LRBA: variants seen among roughly 807,000 people sequenced by gnomAD.
The protein encoded by LRBA is LPS responsive beige-like anchor protein.
Under a neutral mutation model 330.0 loss-of-function variants are expected in LRBA, and 176 were observed. The ratio of observed to expected loss-of-function variants is 0.53; its 90% confidence interval spans 0.47 to 0.60. The LOEUF (loss-of-function observed/expected upper bound fraction) is 0.60, where lower values mean the gene tolerates loss of function less well. Ranked by LOEUF, LRBA falls within the 20% of genes least tolerant of loss-of-function variation. The probability of loss-of-function intolerance (pLI) is 0.00; values close to 1 mark genes in which losing one functional copy is unlikely to be tolerated. For synonymous variants in LRBA, 1,230 were observed against 1,193.0 expected, an observed-to-expected ratio of 1.03 and a Z score of -0.64; for missense variants, 3,259 against 3,444.8, an observed-to-expected ratio of 0.95 and a Z score of 1.35.
intron 40 of LRBA, among the ~76,000 whole-genome samples, chr4:150,552,012 C>G (rs1345992832): frequency 1.3e-5 from 2 of 152,094 alleles, no homozygotes; most frequent in Non-Finnish European, 2.9e-5. Context: ...GATCGTCTGA[C>G]ATTAGAGTCT....
intron 23 of LRBA, 86 bp from the exon 24 acceptor site, chr4:150,850,988 C>G (rs1162684115): frequency 1.1e-6 from 1 of 896,868 alleles, no homozygotes; most frequent in African/African-American, 1.7e-5. Flanking sequence ...AGCTTCTATG[C>G]AATTCATCTA....
At chr4:150,471,131 T>C (rs1440984602) in intron 43 of LRBA, among the ~76,000 whole-genome samples, 1 of 152,186 alleles carries the variant, frequency 6.6e-6, no homozygotes, top group Non-Finnish European at 1.5e-5. Flanking sequence ...CACAAAAATA[T>C]ACAGTATATA....
At chr4:150,323,742 G>A (rs530830542) in intron 49 of LRBA, among the ~76,000 whole-genome samples, 2 of 152,320 alleles carry the variant, frequency 1.3e-5, no homozygotes, top group South Asian at 2.1e-4. Context: ...GCATGAATGA[G>A]AAACACCAGA....
intron 41 of LRBA, among the ~76,000 whole-genome samples, chr4:150,490,510 AATATATCAC>A (rs1296587261): frequency 6.6e-6 from 1 of 151,876 alleles, no homozygotes; most frequent in Admixed American, 6.6e-5. Context: ...TTATAAAAGC[AATATATCAC>A]ATATATCACA....
At chr4:150,981,114 A>T (rs1329949247) in intron 2 of LRBA, among the ~76,000 whole-genome samples, 5 of 142,710 alleles carry the variant, frequency 3.5e-5, no homozygotes, top group South Asian at 2.2e-4. Context: ...CAGAGAAATT[A>T]AAAAAAAAAA....
intron 46 of LRBA, among the ~76,000 whole-genome samples, chr4:150,429,909 C>G (rs748331418): frequency 6.6e-6 from 1 of 152,054 alleles, no homozygotes; most frequent in South Asian, 2.1e-4. Context: ...TCTAAATGCT[C>G]TCTACTATAT....
chr4:150,816,276 A>C (rs904786830), intron 31 of LRBA, among the ~76,000 whole-genome samples: 1 of 151,998 alleles, frequency 6.6e-6, no homozygotes, highest in Admixed American at 6.6e-5. Flanking sequence ...ATCTCAACCT[A>C]GAATCATAAG....
rs114727117 is a variant in LRBA at position 150,755,270 on chromosome 4, G to T, written c.5645+6513C>A. On this transcript the variant is annotated intron_variant, in intron 35 of 56. Coordinates refer to ENST00000651943, the MANE Select transcript of LRBA (RefSeq NM_001364905.1). ...TCGAAGCATTATGTCTTTTATGTGG[G>T]CTATTTATATATTTGTATACAAGTC... 9.8e-3 allele frequency among the ~76,000 whole-genome samples: 1,495 copies of T among 152,270 alleles called. 19 individuals are homozygous for T. Among genetic ancestry groups the T allele is most frequent in the Non-Finnish European group, 0.018 (1,223 of 68,018 alleles).
intron 22 of LRBA, among the ~76,000 whole-genome samples, chr4:150,864,802 G>C (rs62344569): frequency 6.6e-6 from 1 of 151,524 alleles, no homozygotes; most frequent in African/African-American, 2.4e-5. Flanking sequence ...ATGCACCACC[G>C]TGCCCAGCTA....
chr4:150,796,736 A>G (rs1156574431), intron 34 of LRBA, among the ~76,000 whole-genome samples: 1 of 152,008 alleles, frequency 6.6e-6, no homozygotes, highest in Non-Finnish European at 1.5e-5. Context: ...CTTCATTGTG[A>G]AAATTCACCT....
intron 16 of LRBA, among the ~76,000 whole-genome samples, chr4:150,894,328 G>A (rs928813796): frequency 4.0e-5 from 6 of 151,790 alleles, no homozygotes; most frequent in African/African-American, 9.7e-5. Flanking sequence ...TTTCATATAC[G>A]GTATTATCTA....
chr4:150,882,009 C>T (rs1148650), intron 17 of LRBA, among the ~76,000 whole-genome samples: 16,210 of 151,898 alleles, frequency 0.11, 1,133 homozygotes, highest in South Asian at 0.28. Flanking sequence ...TCGCTTCAAC[C>T]CGAGAGGCAG....
chr4:150,619,091 T>C (rs1314183102), intron 37 of LRBA, among the ~76,000 whole-genome samples: 1 of 152,128 alleles, frequency 6.6e-6, no homozygotes, highest in East Asian at 1.9e-4. Flanking sequence ...TATAAGTTTA[T>C]TATCAATGCA....
intron 29 of LRBA, among the ~76,000 whole-genome samples, chr4:150,830,031 C>A (rs1457482462): frequency 6.6e-6 from 1 of 152,180 alleles, no homozygotes; most frequent in Non-Finnish European, 1.5e-5. Context: ...CTGCCTCTCA[C>A]CATCTCTAGT....
chr4:150,398,042 T>A (rs1290962869), intron 47 of LRBA, among the ~76,000 whole-genome samples: 1 of 152,164 alleles, frequency 6.6e-6, no homozygotes, highest in Non-Finnish European at 1.5e-5. Flanking sequence ...CATATATATT[T>A]TAGTATCTTC....
chr4:150,855,997 T>C (rs1438073523), intron 22 of LRBA, among the ~76,000 whole-genome samples: 1 of 152,078 alleles, frequency 6.6e-6, no homozygotes, highest in African/African-American at 2.4e-5. Context: ...ATACAGGAAA[T>C]ATAGAGGTCA....
chr4:150,875,700 C>A (rs575334090), intron 17 of LRBA, among the ~76,000 whole-genome samples: 2 of 151,630 alleles, frequency 1.3e-5, no homozygotes, highest in Admixed American at 1.3e-4. Flanking sequence ...AGAAAGAAGA[C>A]AAAAAAATAA....
chr4:150,491,372 A>G (rs955470141), intron 40 of LRBA, among the ~76,000 whole-genome samples: 1 of 152,066 alleles, frequency 6.6e-6, no homozygotes, highest in Admixed American at 6.6e-5. Flanking sequence ...TTCAGATAAA[A>G]TCTTAAAAAC....
At chr4:150,756,476 T>G (rs1312428381) in intron 35 of LRBA, among the ~76,000 whole-genome samples, 1 of 152,140 alleles carries the variant, frequency 6.6e-6, no homozygotes, top group African/African-American at 2.4e-5. Context: ...CCTTTATTTA[T>G]CCAAATAAGA....
Sources: gnomAD v4.1 joint callset for allele counts (sites outside exome capture counted in the v4.1 genomes callset) on GRCh38, gnomAD v4.1.1 for gene constraint, MANE v1.5 for transcripts, NCBI Gene and HGNC (gene_info 2026-07-23, HGNC 2026-07-21) for gene names.